Variants in UST observed in about 807,000 individuals in gnomAD.
UST encodes chondroitin sulfate 2-O-sulfotransferase.
In UST, 21 loss-of-function variants were observed where a neutral mutation model predicts 45.6. The observed-to-expected ratio is 0.46, with a 90% CI of 0.33 to 0.66. The LOEUF is 0.66. UST is among the 30% of genes least tolerant of loss of function. UST has a pLI of 0.02. For synonymous variants in UST, 215 were observed against 200.6 expected (o/e 1.07, Z -0.61); for missense variants, 463 against 512.4 (o/e 0.90, Z 0.93).
intron 1 of UST, among the ~76,000 whole-genome samples, chr6:148,857,088 T>C (rs1235393591): frequency 6.6e-6 from 1 of 151,804 alleles, no homozygotes; most frequent in Non-Finnish European, 1.5e-5. Context: ...ATCTTAGAAT[T>C]TTTTGGGCTT....
At chr6:149,049,931 TCACACA>T (rs59151398) in intron 7 of UST, among the ~76,000 whole-genome samples, 18 of 134,544 alleles carry the variant, frequency 1.3e-4, no homozygotes, top group African/African-American at 4.9e-4. Flanking sequence ...TCTCTCTCTC[TCACACA>T]CACACACACA....
chr6:148,854,945 G>GT (rs144276242), intron 1 of UST, among the ~76,000 whole-genome samples: 1,595 of 152,224 alleles, frequency 0.01, 27 homozygotes, highest in African/African-American at 0.036. Flanking sequence ...AAAGAAAGAG[G>GT]TTTAATGGAC....
At chr6:148,967,590 T>A (rs1243242920) in intron 5 of UST, among the ~76,000 whole-genome samples, 1 of 152,212 alleles carries the variant, frequency 6.6e-6, no homozygotes, top group Non-Finnish European at 1.5e-5. Flanking sequence ...GTCAGTTGTT[T>A]GACTCAAAAG....
intron 7 of UST, among the ~76,000 whole-genome samples, chr6:149,063,779 T>G (rs1776692456): frequency 6.6e-6 from 1 of 152,210 alleles, no homozygotes; most frequent in Non-Finnish European, 1.5e-5. Flanking sequence ...CCCCAGGTGC[T>G]GAGCTGTGGA....
chr6:149,046,947 T>C (rs944829324), intron 7 of UST, among the ~76,000 whole-genome samples: 1 of 152,258 alleles, frequency 6.6e-6, no homozygotes, highest in African/African-American at 2.4e-5. Flanking sequence ...TAGTGCCTAC[T>C]GATCTGAGTG....
At chr6:149,042,041 T>G (rs980232265) in intron 7 of UST, among the ~76,000 whole-genome samples, 1 of 152,262 alleles carries the variant, frequency 6.6e-6, no homozygotes, top group African/African-American at 2.4e-5. Context: ...AGTAAAAATG[T>G]ATTGAATTAA....
At chr6:149,023,813 G>C (rs1037945867) in intron 7 of UST, among the ~76,000 whole-genome samples, 1 of 152,026 alleles carries the variant, frequency 6.6e-6, no homozygotes, top group African/African-American at 2.4e-5. Flanking sequence ...CTCTTGTCGT[G>C]GTATATCATA....
chr6:149,055,153 A>G (rs1463670615), intron 7 of UST, among the ~76,000 whole-genome samples: 1 of 152,180 alleles, frequency 6.6e-6, no homozygotes, highest in East Asian at 1.9e-4. Context: ...CTAGAAAGTC[A>G]TAAATCAACC....
At chr6:148,816,303 T>C (rs1777354092) in intron 1 of UST, among the ~76,000 whole-genome samples, 1 of 152,182 alleles carries the variant, frequency 6.6e-6, no homozygotes, top group South Asian at 2.1e-4. Flanking sequence ...GATATCAACA[T>C]GATCATTTCA....
intron 7 of UST, among the ~76,000 whole-genome samples, chr6:149,069,513 A>G (rs1473277998): frequency 6.6e-6 from 1 of 151,978 alleles, no homozygotes; most frequent in Non-Finnish European, 1.5e-5. Flanking sequence ...TTTTTCATAT[A>G]CCTCTTGGCC....
chr6:149,061,730 G>A (rs1445326665), intron 7 of UST, among the ~76,000 whole-genome samples: 5 of 152,144 alleles, frequency 3.3e-5, no homozygotes, highest in Non-Finnish European at 1.5e-5. Context: ...AGCTTTCTGT[G>A]GATACTCCCA....
chr6:149,060,043 C>T (rs2115041119), intron 7 of UST, among the ~76,000 whole-genome samples: 1 of 152,294 alleles, frequency 6.6e-6, no homozygotes, highest in African/African-American at 2.4e-5. Context: ...AAAATCCAAG[C>T]AAAGTGTGTG....
chr6:148,764,011 G>T (rs1776271790), intron 1 of UST, among the ~76,000 whole-genome samples: 1 of 152,096 alleles, frequency 6.6e-6, no homozygotes, highest in South Asian at 2.1e-4. Context: ...TTTTAGGATT[G>T]TTTTTTCTAA....
intron 4 of UST, among the ~76,000 whole-genome samples, chr6:148,964,161 G>A (rs1043597042): frequency 1.3e-5 from 2 of 152,262 alleles, no homozygotes; most frequent in East Asian, 1.9e-4. Flanking sequence ...GGTTTGTACC[G>A]TGCTATACTA....
intron 7 of UST, among the ~76,000 whole-genome samples, chr6:149,069,897 A>G (rs908803733): frequency 1.3e-5 from 2 of 152,240 alleles, no homozygotes; most frequent in African/African-American, 4.8e-5. Context: ...ATAGTTTTGT[A>G]GTCAAGGTAT....
At chr6:148,938,306 G>T (rs1036207829) in intron 2 of UST, among the ~76,000 whole-genome samples, 3 of 152,130 alleles carry the variant, frequency 2.0e-5, no homozygotes, top group African/African-American at 7.2e-5. Context: ...ACACATAGTA[G>T]ACTGGCCCTC....
intron 2 of UST, among the ~76,000 whole-genome samples, chr6:148,917,749 A>C (rs9390634): frequency 0.66 from 98,877 of 150,188 alleles, 32,414 homozygotes; most frequent in East Asian, 0.73. Context: ...CCCACAGGGG[A>C]TGTGACTCAA....
chr6:148,853,355 C>T (rs1465320351), intron 1 of UST, among the ~76,000 whole-genome samples: 1 of 152,220 alleles, frequency 6.6e-6, no homozygotes, highest in East Asian at 1.9e-4. Flanking sequence ...AGTCTGTCGT[C>T]TGTCATTGAT....
intron 1 of UST, among the ~76,000 whole-genome samples, chr6:148,763,813 C>G (rs116157696): frequency 3.7e-4 from 56 of 152,100 alleles, no homozygotes; most frequent in African/African-American, 1.2e-3. Flanking sequence ...TGTAGGTAAG[C>G]GGCTTTATTT....
Sources: allele counts gnomAD v4.1 joint callset (sites outside exome capture counted in the v4.1 genomes callset), GRCh38; gene constraint gnomAD v4.1.1; transcripts MANE v1.5; gene names NCBI Gene and HGNC (gene_info 2026-07-23, HGNC 2026-07-21).